KCNH1: variants seen among roughly 807,000 people sequenced by gnomAD.
KCNH1 encodes the protein potassium voltage-gated channel subfamily H member 1.
Under a neutral mutation model 69.2 loss-of-function variants are expected in KCNH1, and 27 were observed. The ratio of observed to expected loss-of-function variants is 0.39; its 90% CI spans 0.29 to 0.54. The LOEUF is 0.54. Among genes scored for constraint, KCNH1 ranks in the 20% least tolerant of loss-of-function variants. The pLI is 0.68. For missense variants in KCNH1, 798 were observed against 1,261.6 expected (o/e 0.63, Z 5.57); for synonymous variants, 456 against 487.7 (o/e 0.93, Z 0.86).
chr1:210,878,157 A>G (rs1010105696), intron 7 of KCNH1, among the ~76,000 whole-genome samples: 3 of 152,118 alleles, frequency 2.0e-5, no homozygotes, highest in Non-Finnish European at 4.4e-5. Flanking sequence ...CCAAAAACTG[A>G]TAGGACTGCA....
chr1:210,907,487 T>C (rs748528886), intron 7 of KCNH1, among the ~76,000 whole-genome samples: 2 of 151,416 alleles, frequency 1.3e-5, no homozygotes, highest in African/African-American at 2.4e-5. Flanking sequence ...CAGTGTCTTC[T>C]GGCCCAAGCT....
intron 10 of KCNH1, among the ~76,000 whole-genome samples, chr1:210,714,917 G>A (rs1293201315): frequency 6.6e-6 from 1 of 152,144 alleles, no homozygotes; most frequent in Admixed American, 6.5e-5. Context: ...ATGGTGCTCT[G>A]GATGTTTAGA....
intron 9 of KCNH1, among the ~76,000 whole-genome samples, chr1:210,775,816 C>A (rs1683848284): frequency 6.6e-6 from 1 of 152,192 alleles, no homozygotes; most frequent in African/African-American, 2.4e-5. Flanking sequence ...ATCATGCTAT[C>A]CAAAATAGGA....
At chr1:210,771,065 A>C (rs1344436802) in intron 10 of KCNH1, among the ~76,000 whole-genome samples, 3 of 152,256 alleles carry the variant, frequency 2.0e-5, no homozygotes. Flanking sequence ...ACTGTGACGT[A>C]GCTTGTACAA....
At chr1:211,079,371 G>A (rs919829290) in intron 5 of KCNH1, among the ~76,000 whole-genome samples, 4 of 152,078 alleles carry the variant, frequency 2.6e-5, no homozygotes, top group African/African-American at 9.7e-5. Flanking sequence ...GATTCACAGC[G>A]AAATTCTACC....
intron 6 of KCNH1, among the ~76,000 whole-genome samples, chr1:210,930,026 C>T (rs545585799): frequency 8.3e-4 from 127 of 152,222 alleles, no homozygotes; most frequent in Non-Finnish European, 1.6e-3. Flanking sequence ...TGAAAGAAAT[C>T]ATAGACCACA....
At chr1:210,913,451 T>C (rs540727039) in intron 7 of KCNH1, among the ~76,000 whole-genome samples, 1 of 152,284 alleles carries the variant, frequency 6.6e-6, no homozygotes, top group South Asian at 2.1e-4. Flanking sequence ...TCATGACATC[T>C]GAAAGTTAAA....
At chr1:210,846,378 A>C (rs6685169) in intron 7 of KCNH1, among the ~76,000 whole-genome samples, 3,689 of 152,314 alleles carry the variant, frequency 0.024, 149 homozygotes, top group African/African-American at 0.085. Context: ...GTACCAAAAC[A>C]GAGATATAGA....
At chr1:211,076,886 T>C (rs1432674776) in intron 5 of KCNH1, among the ~76,000 whole-genome samples, 1 of 152,190 alleles carries the variant, frequency 6.6e-6, no homozygotes, top group Non-Finnish European at 1.5e-5. Flanking sequence ...AATGGCTACC[T>C]AGAATAAACA....
chr1:211,062,909 A>C (rs920590860), intron 5 of KCNH1, among the ~76,000 whole-genome samples: 5 of 152,240 alleles, frequency 3.3e-5, no homozygotes, highest in African/African-American at 1.2e-4. Context: ...GATTCCTCAA[A>C]AAACTAAAAA....
chr1:210,993,440 A>G (rs1688969958), intron 6 of KCNH1, among the ~76,000 whole-genome samples: 1 of 152,188 alleles, frequency 6.6e-6, no homozygotes, highest in Non-Finnish European at 1.5e-5. Context: ...ACAGTACACA[A>G]AGTTAAACTA....
intron 6 of KCNH1, among the ~76,000 whole-genome samples, chr1:210,991,311 T>C (rs1208163729): frequency 1.3e-5 from 2 of 152,150 alleles, no homozygotes; most frequent in Admixed American, 6.6e-5. Context: ...TGCAACACCA[T>C]GGGTAAACCT....
Position 211,104,792 on chromosome 1 carries a change from T to A in KCNH1, c.204-1190A>T, listed in dbSNP as rs1055848315. Among the ~76,000 whole-genome samples, 9 of 152,352 alleles carry A rather than the reference T, an allele frequency of 5.9e-5. No individual in the cohort carries two copies. In the South Asian group the frequency reaches 1.9e-3, roughly 32 times the overall value. On this transcript the variant is annotated intron_variant, in intron 2 of 10. Transcript: ENST00000271751. ...GTCTTAGGTATTGCACAAACTGCCA[T>A]GGGTTCCTAAATGTCACTGTAAAGT...
At chr1:211,062,455 T>G (rs1401827979) in intron 5 of KCNH1, among the ~76,000 whole-genome samples, 1 of 151,950 alleles carries the variant, frequency 6.6e-6, no homozygotes, top group African/African-American at 2.4e-5. Context: ...AAAGCAAAAA[T>G]GGACAAATAG....
At chr1:211,021,138 CTT>C (rs1205814718) in intron 5 of KCNH1, among the ~76,000 whole-genome samples, 1 of 151,996 alleles carries the variant, frequency 6.6e-6, no homozygotes, top group Admixed American at 6.6e-5. Context: ...ACACAACAGA[CTT>C]TGAGGACTCA....
At chr1:210,914,389 C>G (rs190878286) in intron 7 of KCNH1, among the ~76,000 whole-genome samples, 1 of 152,184 alleles carries the variant, frequency 6.6e-6, no homozygotes, top group East Asian at 1.9e-4. Flanking sequence ...AAGGGATACT[C>G]AGCAAAGGTG....
intron 7 of KCNH1, among the ~76,000 whole-genome samples, chr1:210,865,552 A>G (rs1301025067): frequency 6.6e-6 from 1 of 152,182 alleles, no homozygotes; most frequent in East Asian, 1.9e-4. Context: ...TTTGATGCCT[A>G]AATGTTCACA....
intron 10 of KCNH1, among the ~76,000 whole-genome samples, chr1:210,700,699 C>T (rs1342601945): frequency 7.9e-5 from 12 of 152,102 alleles, no homozygotes; most frequent in East Asian, 3.9e-4. Context: ...AATTCTGCCA[C>T]GATAGCACAA....
At position 210,905,476 on chromosome 1, in the gene KCNH1, T is replaced by C. The variant is rs183239748; in HGVS notation, c.1462+14164A>G. Reference sequence around the variant, plus strand: ...CTTAGTCTGATCAGGATCCAAATGGTCAATATAGACACCTTCCCAAGTCAA... The same window carrying C: ...CTTAGTCTGATCAGGATCCAAATGGCCAATATAGACACCTTCCCAAGTCAA... On this transcript the variant is annotated intron_variant, in intron 7 of 10. Coordinates refer to ENST00000271751, the MANE Select transcript of KCNH1 (RefSeq NM_172362.3). Among the ~76,000 whole-genome samples the C allele has an allele frequency of 7.3e-4, 111 of 152,164 alleles. 1 individual carries two copies. Among genetic ancestry groups the C allele is most frequent in the Middle Eastern group, 3.4e-3 (1 of 294 alleles).
Sources: gnomAD v4.1 joint callset for allele counts (sites outside exome capture counted in the v4.1 genomes callset) on GRCh38, gnomAD v4.1.1 for gene constraint, MANE v1.5 for transcripts, NCBI Gene and HGNC (gene_info 2026-07-23, HGNC 2026-07-21) for gene names.